The following PRKAG2 variants were observed in gnomAD, a reference collection of about 807,000 sequenced individuals.
PRKAG2 encodes the protein protein kinase AMP-activated non-catalytic subunit gamma 2.
Under a neutral mutation model 69.6 loss-of-function variants are expected in PRKAG2, and 26 were observed. The ratio of observed to expected loss-of-function variants is 0.37; its 90% confidence interval spans 0.27 to 0.52. PRKAG2 has a LOEUF of 0.52. Ranked by LOEUF, PRKAG2 falls within the 20% of genes least tolerant of loss-of-function variation. PRKAG2 has a pLI of 0.90. For synonymous variants in PRKAG2, 293 were observed against 285.0 expected, an observed-to-expected ratio of 1.03 and a Z score of -0.28; for missense variants, 557 against 740.0, an observed-to-expected ratio of 0.75 and a Z score of 2.87.
chr7:151,656,102 T>C (rs925442875), intron 4 of PRKAG2, among the ~76,000 whole-genome samples: 2 of 152,234 alleles, frequency 1.3e-5, no homozygotes, highest in Non-Finnish European at 2.9e-5. Context: ...ATATTGTGCT[T>C]TATTGTAGTT....
At chr7:151,823,670 C>T (rs1342970352) in intron 1 of PRKAG2, among the ~76,000 whole-genome samples, 1 of 152,068 alleles carries the variant, frequency 6.6e-6, no homozygotes, top group Non-Finnish European at 1.5e-5. Flanking sequence ...AGAGATGACA[C>T]CCTCCATCTG....
At chr7:151,782,582 C>T (rs949013391) in intron 2 of PRKAG2, among the ~76,000 whole-genome samples, 1 of 152,234 alleles carries the variant, frequency 6.6e-6, no homozygotes, top group Admixed American at 6.5e-5. Flanking sequence ...AAATATCTCA[C>T]GTGCCCGCAG....
chr7:151,601,041 T>TA (rs1395002234), intron 5 of PRKAG2, among the ~76,000 whole-genome samples: 1 of 152,136 alleles, frequency 6.6e-6, no homozygotes, highest in Non-Finnish European at 1.5e-5. Context: ...AGTAGCTCCT[T>TA]ATTAAACTCA....
chr7:151,814,798 G>A lies in PRKAG2; in HGVS notation c.115-28257C>T. On this transcript the variant is annotated intron_variant, in intron 1 of 15. Coordinates refer to ENST00000287878, the MANE Select transcript of PRKAG2 (RefSeq NM_016203.4). This position sits in a 1 kb window ranked among gnomAD's most constrained non-coding sequence, Gnocchi z 4.8. Reference sequence around the variant, plus strand: ...TGCTCAAAATGCAGGCAGAGCTCGGGCAGATTCCCCCATTGACGGGACTGC... The same window carrying A: ...TGCTCAAAATGCAGGCAGAGCTCGGACAGATTCCCCCATTGACGGGACTGC... 1.6e-6 allele frequency: 2 copies of A among 1,231,844 alleles called. No homozygotes were observed. The highest frequency in any genetic ancestry group is 4.1e-5 in the South Asian group (1 of 24,322). 76.3% of individuals were successfully genotyped at this position (1,231,844 alleles called of 1,614,324 possible). A position where few individuals can be genotyped will look rare whatever the true frequency, so the allele number is the denominator to read the frequency against.
chr7:151,713,854 G>T (rs1457592880), intron 3 of PRKAG2, among the ~76,000 whole-genome samples: 2 of 152,092 alleles, frequency 1.3e-5, no homozygotes, highest in Non-Finnish European at 2.9e-5. Context: ...AGGATTACAG[G>T]CATGAGCCAC....
At chr7:151,661,467 A>C (rs1830311028) in intron 4 of PRKAG2, among the ~76,000 whole-genome samples, 1 of 152,210 alleles carries the variant, frequency 6.6e-6, no homozygotes, top group Non-Finnish European at 1.5e-5. Flanking sequence ...CAGCACATGA[A>C]GAGGAAATCA....
intron 4 of PRKAG2, among the ~76,000 whole-genome samples, chr7:151,670,468 A>G (rs1224396779): frequency 6.6e-6 from 1 of 152,050 alleles, no homozygotes; most frequent in East Asian, 1.9e-4. Flanking sequence ...ACCACCTCCA[A>G]TCTAATTTCC....
chr7:151,632,458 C>T lies in PRKAG2; in HGVS notation c.685-320G>A. ...AAGGGACCCGGGAGCTCGAGGGCGG[C>T]AGCGCCTGGGCCCGGGGCGCCCCCC... On this transcript the variant is annotated intron_variant, in intron 4 of 15. Coordinates refer to ENST00000287878, the MANE Select transcript of PRKAG2 (RefSeq NM_016203.4). The surrounding 1 kb of genome is among the most constrained non-coding windows in gnomAD (Gnocchi z 4.2). 1 of 678,824 alleles carries T rather than the reference C, an allele frequency of 1.5e-6. No homozygotes were observed. Among genetic ancestry groups the T allele is most frequent in the Non-Finnish European group, 1.8e-6 (1 of 550,714 alleles). 42.1% of individuals were successfully genotyped at this position (678,824 alleles called of 1,614,324 possible). A position where few individuals can be genotyped will look rare whatever the true frequency, so the allele number is the denominator to read the frequency against.
intron 3 of PRKAG2, among the ~76,000 whole-genome samples, chr7:151,677,590 A>G (rs1051049136): frequency 6.6e-6 from 1 of 152,248 alleles, no homozygotes; most frequent in Non-Finnish European, 1.5e-5. Flanking sequence ...TGCCCTGTTA[A>G]ATTACATGTA....
chr7:151,796,183 G>A (rs1386654752), intron 1 of PRKAG2, among the ~76,000 whole-genome samples: 3 of 151,972 alleles, frequency 2.0e-5, no homozygotes, highest in African/African-American at 7.3e-5. Context: ...CAGGGTAAAA[G>A]CAGGCCGCTG....
chr7:151,862,304 CT>C (rs747294668), intron 1 of PRKAG2, among the ~76,000 whole-genome samples: 1 of 151,708 alleles, frequency 6.6e-6, no homozygotes, highest in Admixed American at 6.6e-5. Context: ...CCTTTTTTTT[CT>C]GGCCAGTAGA....
At chr7:151,822,689 G>A (rs1010938538) in intron 1 of PRKAG2, among the ~76,000 whole-genome samples, 56 of 152,104 alleles carry the variant, frequency 3.7e-4, no homozygotes, top group Middle Eastern at 3.2e-3. Flanking sequence ...GGTGGACAGC[G>A]TCTTCCCAAG....
intron 5 of PRKAG2, among the ~76,000 whole-genome samples, chr7:151,628,687 G>C (rs907331103): frequency 6.7e-6 from 1 of 149,938 alleles, no homozygotes; most frequent in African/African-American, 2.4e-5. Context: ...CCCCAGGTAA[G>C]AGTGAGACCC....
intron 3 of PRKAG2, among the ~76,000 whole-genome samples, chr7:151,726,700 C>CA (rs542346265): frequency 0.018 from 2,705 of 150,896 alleles, 20 homozygotes; most frequent in Non-Finnish European, 0.028. Flanking sequence ...GAAGCCAGAC[C>CA]AAAAAAAAAT....
intron 5 of PRKAG2, among the ~76,000 whole-genome samples, 165 bp from the exon 6 acceptor site, chr7:151,595,619 G>A (rs1404828558): frequency 3.9e-5 from 6 of 152,136 alleles, no homozygotes; most frequent in Non-Finnish European, 8.8e-5. Context: ...CTAATTCTAT[G>A]AACACTATAT....
intron 1 of PRKAG2, among the ~76,000 whole-genome samples, chr7:151,834,154 C>T (rs1046394820): frequency 1.3e-5 from 2 of 152,200 alleles, no homozygotes; most frequent in Non-Finnish European, 2.9e-5. Flanking sequence ...CCCAGCAGCC[C>T]CCAACAGGGC....
At chr7:151,856,311 T>G (rs2079773986) in intron 1 of PRKAG2, among the ~76,000 whole-genome samples, 1 of 152,226 alleles carries the variant, frequency 6.6e-6, no homozygotes, top group Non-Finnish European at 1.5e-5. Context: ...TGGCTCCCCG[T>G]GGCGATCTTT....
Position 151,579,176 on chromosome 7 carries a change from C to T in PRKAG2, c.865-2724G>A, listed in dbSNP as rs185102542. On this transcript the variant is annotated intron_variant, in intron 6 of 15. Coordinates refer to ENST00000287878, the MANE Select transcript of PRKAG2 (RefSeq NM_016203.4). ...AGTAGCTGGGACCACAGGCACATGCCACCATGTCCAGATAATTTTTTTTCT... is the reference window on the plus strand; with the variant it reads ...AGTAGCTGGGACCACAGGCACATGCTACCATGTCCAGATAATTTTTTTTCT... 6.7e-3 allele frequency among the ~76,000 whole-genome samples: 1,027 copies of T among 152,260 alleles called. 7 individuals are homozygous for T. The highest frequency in any genetic ancestry group is 0.024 in the African/African-American group (977 of 41,548).
intron 1 of PRKAG2, among the ~76,000 whole-genome samples, chr7:151,856,905 C>T (rs992387030): frequency 1.3e-5 from 2 of 151,886 alleles, no homozygotes; most frequent in Non-Finnish European, 2.9e-5. Flanking sequence ...ACAAGAAGGG[C>T]GGAGAGAAAA....
Sources: gnomAD v4.1 joint callset for allele counts (sites outside exome capture counted in the v4.1 genomes callset) on GRCh38, gnomAD v4.1.1 for gene constraint, Gnocchi (gnomAD v3.1) non-coding constraint, MANE v1.5 for transcripts, NCBI Gene and HGNC (gene_info 2026-07-23, HGNC 2026-07-21) for gene names.